Variants in CPEB1 observed in about 807,000 individuals in gnomAD.
CPEB1 encodes cytoplasmic polyadenylation element-binding protein 1.
A neutral mutation model predicts 65.8 loss-of-function variants in CPEB1; 7 were observed. The observed-to-expected ratio is 0.11, with a 90% CI of 0.06 to 0.20. The LOEUF is 0.20. Among genes scored for constraint, CPEB1 ranks in the 10% least tolerant of loss-of-function variants. CPEB1 has a pLI of 1.00. For synonymous variants in CPEB1, 262 were observed against 260.0 expected, an observed-to-expected ratio of 1.01 and a Z score of -0.08; for missense variants, 551 against 712.2, an observed-to-expected ratio of 0.77 and a Z score of 2.58.
At chr15:82,577,247 CAG>C (rs1321181520) in intron 3 of CPEB1, among the ~76,000 whole-genome samples, 2 of 152,142 alleles carry the variant, frequency 1.3e-5, no homozygotes, top group African/African-American at 2.4e-5. Context: ...TTTGTAGAGA[CAG>C]AGTCTCACTA....
intron 11 of CPEB1, 143 bp downstream of exon 11, chr15:82,547,000 T>A (rs1217693710): frequency 4.1e-5 from 25 of 609,650 alleles, no homozygotes; most frequent in Admixed American, 1.2e-4. Context: ...AACCCTAACC[T>A]CAATGTTAAT....
intron 1 of CPEB1, among the ~76,000 whole-genome samples, chr15:82,645,097 T>C (rs142238479): frequency 6.6e-6 from 1 of 152,184 alleles, no homozygotes; most frequent in Non-Finnish European, 1.5e-5. Context: ...CTCCCACACA[T>C]GGGAGCCTAG....
At chr15:82,591,583 A>G (rs76312428) in intron 3 of CPEB1, among the ~76,000 whole-genome samples, 5 of 151,890 alleles carry the variant, frequency 3.3e-5, no homozygotes, top group African/African-American at 4.8e-5. Context: ...TCTCTCTCCA[A>G]TGATCAGTTA....
chr15:82,545,773 G>C (rs555360799), intron 12 of CPEB1, among the ~76,000 whole-genome samples: 1 of 152,158 alleles, frequency 6.6e-6, no homozygotes, highest in Non-Finnish European at 1.5e-5. Context: ...AAAGGAGGAC[G>C]AGGCATCCTC....
chr15:82,628,764 G>A, intron 1 of CPEB1: 3 of 283,070 alleles, frequency 1.1e-5, no homozygotes, highest in South Asian at 8.0e-5. Context: ...TGCTCAATGT[G>A]AAAACAGTAA....
At chr15:82,548,961 G>GT (rs1018467399) in intron 10 of CPEB1, among the ~76,000 whole-genome samples, 2 of 152,212 alleles carry the variant, frequency 1.3e-5, no homozygotes, top group African/African-American at 4.8e-5. Flanking sequence ...AAACCTAGTG[G>GT]TTAGGCCCAC....
At chr15:82,578,067 G>A (rs900715750) in intron 3 of CPEB1, among the ~76,000 whole-genome samples, 4 of 152,144 alleles carry the variant, frequency 2.6e-5, no homozygotes, top group Non-Finnish European at 5.9e-5. Context: ...GTGAACCCAG[G>A]AGGCGGAGTT....
intron 9 of CPEB1, among the ~76,000 whole-genome samples, chr15:82,551,189 C>A (rs1287641536): frequency 6.6e-6 from 1 of 152,140 alleles, no homozygotes; most frequent in Non-Finnish European, 1.5e-5. Flanking sequence ...CAAGAGCCAG[C>A]TTTGTTACAT....
Position 82,606,799 on chromosome 15 carries a change from C to T in CPEB1, c.271+20394G>A, listed in dbSNP as rs1334083309. Among the ~76,000 whole-genome samples, 3 of 39,098 alleles carry T rather than the reference C, an allele frequency of 7.7e-5. 1 individual carries two copies. The highest frequency in any genetic ancestry group is 1.4e-4 in the Non-Finnish European group (3 of 21,866). The allele number at this position is 39,098 out of a possible 152,430, so 25.6% of individuals were successfully genotyped here. On this transcript the variant is annotated intron_variant, in intron 3 of 12. Coordinates refer to ENST00000684509, the MANE Select transcript of CPEB1 (RefSeq NM_001365242.1). ...CGCCACTGCACTCCAGCCTGGGCGA[C>T]AGAGCGAGACTCCGTCTCAAAAAAA... is the stretch of plus-strand genomic sequence containing the variant.
chr15:82,582,737 C>CT (rs11300517), intron 3 of CPEB1, among the ~76,000 whole-genome samples: 920 of 87,338 alleles, frequency 0.011, 21 homozygotes, highest in East Asian at 0.023. Flanking sequence ...ACTAGGAGTT[C>CT]TTTTTTTTTT....
chr15:82,614,893 G>A (rs1050363760), intron 3 of CPEB1, among the ~76,000 whole-genome samples: 2 of 136,932 alleles, frequency 1.5e-5, no homozygotes, highest in Non-Finnish European at 1.6e-5. Context: ...ATATATATAT[G>A]ACCTCAGCCA....
intron 3 of CPEB1, among the ~76,000 whole-genome samples, chr15:82,626,956 C>A (rs1319943492): frequency 1.3e-5 from 2 of 152,044 alleles, no homozygotes; most frequent in Non-Finnish European, 2.9e-5. Flanking sequence ...AATCTGTGAC[C>A]TTTTCTTTTT....
At chr15:82,565,101 GAAGAC>G (rs2038905640) in intron 4 of CPEB1, among the ~76,000 whole-genome samples, 2 of 152,166 alleles carry the variant, frequency 1.3e-5, no homozygotes, top group African/African-American at 4.8e-5. Flanking sequence ...AAGATACCAA[GAAGAC>G]AAGAGGCCTA....
chr15:82,552,168 G>A (rs1383164446), intron 9 of CPEB1, among the ~76,000 whole-genome samples: 2 of 152,152 alleles, frequency 1.3e-5, no homozygotes, highest in East Asian at 3.8e-4. Flanking sequence ...TCATTTCTAA[G>A]ACAAGAGGTT....
chr15:82,599,038 TC>T lies in CPEB1; in HGVS notation c.272-27507del, dbSNP rs1388382066. Among the ~76,000 whole-genome samples, 9 of 152,010 alleles carry T rather than the reference TC, an allele frequency of 5.9e-5. No homozygotes were observed. The South Asian group carries it at 1.7e-3, about 28-fold the overall frequency. On this transcript the variant is annotated intron_variant, in intron 3 of 12. Coordinates refer to ENST00000684509, the MANE Select transcript of CPEB1 (RefSeq NM_001365242.1). The stretch of plus-strand genomic sequence containing the variant: ...ACAAAGTTTTAAAATAAATAATAAT[TC>T]CCCCAAAGATACCAGACGATCCATT...
intron 3 of CPEB1, among the ~76,000 whole-genome samples, chr15:82,605,513 T>C (rs1355775952): frequency 2.0e-5 from 3 of 152,034 alleles, no homozygotes; most frequent in Non-Finnish European, 2.9e-5. Flanking sequence ...AACTATACAA[T>C]GTATTCTATA....
chr15:82,593,329 T>C (rs2042412868), intron 3 of CPEB1, among the ~76,000 whole-genome samples: 1 of 152,236 alleles, frequency 6.6e-6, no homozygotes, highest in Non-Finnish European at 1.5e-5. Context: ...AATCCTTTGT[T>C]GTCTTCAACA....
At chr15:82,568,605 T>C (rs1340906863) in intron 4 of CPEB1, among the ~76,000 whole-genome samples, 2 of 152,132 alleles carry the variant, frequency 1.3e-5, no homozygotes, top group Non-Finnish European at 2.9e-5. Context: ...GAAATCTAGA[T>C]AGCAGAAGTA....
rs777856087 is a variant in CPEB1 at position 82,617,820 on chromosome 15, G to A, written c.271+9373C>T. 4.9e-3 allele frequency among the ~76,000 whole-genome samples: 605 copies of A among 124,236 alleles called. 8 individuals are homozygous for A. The highest frequency in any genetic ancestry group is 0.016 in the South Asian group (56 of 3,526). The allele number at this position is 124,236 out of a possible 152,430, so 81.5% of individuals were successfully genotyped here. A position where few individuals can be genotyped will look rare whatever the true frequency, so the allele number is the denominator to read the frequency against. ...GGGATCTCGGCTCACTGCAAGCTCC[G>A]CCTCTCGGGTTCACGCCATTCTCCT... is the stretch of plus-strand genomic sequence containing the variant. On this transcript the variant is annotated intron_variant, in intron 3 of 12. Transcript: ENST00000684509.
Sources: gnomAD v4.1 joint callset for allele counts (sites outside exome capture counted in the v4.1 genomes callset) on GRCh38, gnomAD v4.1.1 for gene constraint, MANE v1.5 for transcripts, NCBI Gene and HGNC (gene_info 2026-07-23, HGNC 2026-07-21) for gene names.